Variants in SEMA3A observed in about 807,000 individuals in gnomAD.
SEMA3A encodes the protein semaphorin 3A.
SEMA3A carries 29 observed loss-of-function variants against 97.9 expected under a neutral mutation model. The ratio of observed to expected loss-of-function variants is 0.30; its 90% CI spans 0.22 to 0.40. The LOEUF (loss-of-function observed/expected upper bound fraction) is 0.40. Ranked by LOEUF, SEMA3A falls within the 10% of genes least tolerant of loss-of-function variation. The pLI, the probability that SEMA3A is intolerant of heterozygous loss-of-function variation, is 1.00. For missense variants in SEMA3A, 763 were observed against 951.3 expected, an observed-to-expected ratio of 0.80 and a Z score of 2.60; for synonymous variants, 321 against 323.7, an observed-to-expected ratio of 0.99 and a Z score of 0.09.
intron 2 of SEMA3A, among the ~76,000 whole-genome samples, chr7:84,366,577 T>G (rs182992477): frequency 4.3e-4 from 65 of 151,490 alleles, no homozygotes; most frequent in African/African-American, 1.4e-3. Context: ...TCCTCTGTGA[T>G]TCCGTGCTAC....
At chr7:84,059,576 A>C (rs1473824851) in intron 5 of SEMA3A, among the ~76,000 whole-genome samples, 1 of 151,960 alleles carries the variant, frequency 6.6e-6, no homozygotes, top group Admixed American at 6.5e-5. Flanking sequence ...TTTAAAATTT[A>C]ATTAGAAATT....
At chr7:83,975,085 A>G (rs1334500206) in intron 15 of SEMA3A, among the ~76,000 whole-genome samples, 1 of 152,196 alleles carries the variant, frequency 6.6e-6, no homozygotes, top group African/African-American at 2.4e-5. Context: ...ATCAAAACAC[A>G]TCTTTAATAT....
intron 3 of SEMA3A, among the ~76,000 whole-genome samples, chr7:84,210,159 T>G (rs1384191249): frequency 1.3e-5 from 2 of 152,226 alleles, no homozygotes; most frequent in African/African-American, 4.8e-5. Context: ...TAAAGTATTT[T>G]TTTTGTGGGG....
intron 2 of SEMA3A, among the ~76,000 whole-genome samples, chr7:84,131,010 A>C (rs1584011008): frequency 6.6e-6 from 1 of 152,130 alleles, no homozygotes; most frequent in East Asian, 1.9e-4. Context: ...CTTTTATCTA[A>C]GTAAAATATT....
chr7:84,075,015 T>A (rs1199537970), intron 4 of SEMA3A, among the ~76,000 whole-genome samples: 1 of 152,246 alleles, frequency 6.6e-6, no homozygotes, highest in South Asian at 2.1e-4. Flanking sequence ...GGCTAGAATT[T>A]TTTTTACTGA....
chr7:84,228,475 CTTGT>C (rs1334772220), intron 3 of SEMA3A, among the ~76,000 whole-genome samples: 4 of 151,996 alleles, frequency 2.6e-5, no homozygotes, highest in Non-Finnish European at 5.9e-5. Flanking sequence ...CTCTCTCTAT[CTTGT>C]TTATCTTCTG....
chr7:84,097,304 A>AAGTG (rs1794805205), intron 4 of SEMA3A, among the ~76,000 whole-genome samples: 1 of 152,136 alleles, frequency 6.6e-6, no homozygotes, highest in African/African-American at 2.4e-5. Flanking sequence ...TGCTAATCTC[A>AAGTG]AGTGAGGTAA....
chr7:84,371,506 C>A lies in SEMA3A; in HGVS notation c.-169+318G>T, dbSNP rs370505900. Among the ~76,000 whole-genome samples, 54 of 151,694 alleles carry A rather than the reference C, an allele frequency of 3.6e-4. 3 individuals carry two copies. In the South Asian group the frequency reaches 8.3e-3, roughly 23 times the overall value. ...GTCTTAATTGTTCAGACTATAGCAT[C>A]AACTCATAATTAAGATATAAGAAAA... On this transcript the variant is annotated intron_variant, in intron 2 of 3. Transcript: ENST00000424555.
chr7:84,179,309 G>A (rs1247873964), intron 1 of SEMA3A, among the ~76,000 whole-genome samples: 1 of 152,060 alleles, frequency 6.6e-6, no homozygotes, highest in Non-Finnish European at 1.5e-5. Context: ...CTTATTATCT[G>A]CCACTCCATT....
Position 84,121,743 on chromosome 7 carries a change from A to G in SEMA3A, c.333+7380T>C, listed in dbSNP as rs796789104. On this transcript the variant is annotated intron_variant, in intron 3 of 16. Coordinates refer to ENST00000265362, the MANE Select transcript of SEMA3A (RefSeq NM_006080.3). ...AAGCTCCGCCTCCCGGGTTCACGCCATTCTCCTGCCTCAGCCTCCCAAGTA... is the reference window on the plus strand; with the variant it reads ...AAGCTCCGCCTCCCGGGTTCACGCCGTTCTCCTGCCTCAGCCTCCCAAGTA... Among the ~76,000 whole-genome samples the G allele has an allele frequency of 2.1e-3, 77 of 36,982 alleles. 31 individuals carry two copies. Among genetic ancestry groups the G allele is most frequent in the South Asian group, 0.02 (21 of 1,068 alleles). The allele number at this position is 36,982 out of a possible 152,430, so 24.3% of individuals were successfully genotyped here.
chr7:84,056,928 A>G (rs1298785918), intron 5 of SEMA3A, among the ~76,000 whole-genome samples: 2 of 152,226 alleles, frequency 1.3e-5, no homozygotes, highest in Non-Finnish European at 2.9e-5. Context: ...CGAAAATAAT[A>G]GTATGCTATT....
chr7:84,276,004 C>T (rs1386957642), intron 3 of SEMA3A, among the ~76,000 whole-genome samples: 17 of 151,980 alleles, frequency 1.1e-4, no homozygotes, highest in Non-Finnish European at 1.2e-4. Flanking sequence ...TATTGTCCTG[C>T]TCATGTAAAG....
chr7:84,357,683 T>C (rs1802601687), intron 2 of SEMA3A, among the ~76,000 whole-genome samples: 1 of 151,844 alleles, frequency 6.6e-6, no homozygotes, highest in Admixed American at 6.6e-5. Flanking sequence ...ATAGTATTTC[T>C]AGTTCTAGAT....
At chr7:83,975,366 T>C (rs1019652461) in intron 15 of SEMA3A, among the ~76,000 whole-genome samples, 2 of 152,096 alleles carry the variant, frequency 1.3e-5, no homozygotes, top group Non-Finnish European at 2.9e-5. Flanking sequence ...ATAATCAATA[T>C]ATATTAGTCA....
At chr7:83,992,479 C>T (rs1350232421) in intron 12 of SEMA3A, among the ~76,000 whole-genome samples, 6 of 151,518 alleles carry the variant, frequency 4.0e-5, no homozygotes, top group Admixed American at 2.0e-4. Context: ...TCCCTCTACA[C>T]ACTGCTTTGA....
chr7:84,412,583 C>T (rs966364168), intron 1 of SEMA3A, among the ~76,000 whole-genome samples: 2 of 152,132 alleles, frequency 1.3e-5, no homozygotes, highest in East Asian at 3.9e-4. Context: ...AAAACAAGAG[C>T]TAGATCATTT....
intron 4 of SEMA3A, among the ~76,000 whole-genome samples, chr7:84,078,943 C>T (rs1794052215): frequency 6.6e-6 from 1 of 152,012 alleles, no homozygotes; most frequent in Non-Finnish European, 1.5e-5. Context: ...CTTTTGCTAT[C>T]AGCTTAATCA....
rs780492444 is a variant in SEMA3A, at chr7:84,007,418, T to A, written c.1075A>T (p.Arg359Trp). The A allele has an allele frequency of 6.2e-7, 1 of 1,608,734 alleles. No homozygotes were observed. The highest frequency in any genetic ancestry group is 8.5e-7 in the Non-Finnish European group (1 of 1,177,292). ...ACCCATTGATAGTTGGGTCCATCCC[T>A]GTGGGCATATGGACCAAGGAACACC... Reference protein sequence around the residue: ...RRVFLGPYAHRDGPNYQWVPY... With the variant: ...RRVFLGPYAHWDGPNYQWVPY... The change falls in exon 10 of 17, where the codon AGG becomes TGG. Residue 359 changes from arginine to tryptophan, a missense_variant. Physicochemically the swap from Arg to Trp is moderately radical, Grantham distance 101 (BLOSUM62 -3). Transcript: ENST00000265362.
At chr7:84,220,788 C>A (rs534890106) in intron 3 of SEMA3A, among the ~76,000 whole-genome samples, 1 of 152,120 alleles carries the variant, frequency 6.6e-6, no homozygotes, top group African/African-American at 2.4e-5. Context: ...CGTGCTGTCA[C>A]ACAGACTTCA....
Sources: gnomAD v4.1 joint callset for allele counts (sites outside exome capture counted in the v4.1 genomes callset) on GRCh38, gnomAD v4.1.1 for gene constraint, MANE v1.5 for transcripts, NCBI Gene and HGNC (gene_info 2026-07-23, HGNC 2026-07-21) for gene names.